Variants in MTMR8 observed in about 807,000 individuals in gnomAD.
MTMR8 encodes myotubularin related protein 8.
A neutral mutation model predicts 39.3 loss-of-function variants in MTMR8; 65 were observed. The observed-to-expected ratio is 1.65, with a 90% CI of 1.35 to 2.03. MTMR8 has a LOEUF of 2.03. MTMR8 is among the 30% of genes most tolerant of loss of function. The probability of loss-of-function intolerance (pLI) is 0.00; values close to 1 mark genes in which losing one functional copy is unlikely to be tolerated. For synonymous variants in MTMR8, 245 were observed against 185.2 expected (o/e 1.32, Z -2.62); for missense variants, 777 against 538.9 (o/e 1.44, Z -4.37).
chrX:64,353,827 T>C (rs1923546892), intron 4 of MTMR8, among the ~76,000 whole-genome samples: 1 of 110,460 alleles, frequency 9.1e-6, no homozygotes, highest in African/African-American at 3.3e-5. Flanking sequence ...CATGGGAGGC[T>C]GAGATGGGAG....
chrX:64,331,524 C>A, intron 11 of MTMR8, 33 bp downstream of exon 11: 1 of 1,176,733 alleles, frequency 8.5e-7, no homozygotes, highest in Non-Finnish European at 1.2e-6. Flanking sequence ...CCACCTTCTC[C>A]CTGTTCAGTG....
At chrX:64,382,162 G>A (rs1166115930) in intron 1 of MTMR8, among the ~76,000 whole-genome samples, 2 of 111,371 alleles carry the variant, frequency 1.8e-5, no homozygotes, top group Admixed American at 9.5e-5. Context: ...AGATTGATGG[G>A]GATGGCATTG....
chrX:64,317,246 A>G (rs1412467461), intron 12 of MTMR8, among the ~76,000 whole-genome samples: 1 of 111,682 alleles, frequency 9.0e-6, no homozygotes, highest in Non-Finnish European at 1.9e-5. Context: ...GCCTTTTGCC[A>G]TACTGGAATA....
At chrX:64,288,533 A>G (rs1921282620) in intron 12 of MTMR8, among the ~76,000 whole-genome samples, 1 of 111,900 alleles carries the variant, frequency 8.9e-6, no homozygotes, top group Non-Finnish European at 1.9e-5. Flanking sequence ...TACCCAAAGG[A>G]ATATAAATCA....
rs764533042 is a variant in MTMR8, at chrX:64,343,722, T to C, written c.866-2A>G. ...TTGTTGGAGTTTTCAATTCACAAACTAAGGTAGAAAAGGAAGCAGAGATTG... is the reference window on the plus strand; with the variant it reads ...TTGTTGGAGTTTTCAATTCACAAACCAAGGTAGAAAAGGAAGCAGAGATTG... On this transcript the variant is annotated splice_acceptor_variant, in intron 7 of 13. Coordinates refer to ENST00000374852, the MANE Select transcript of MTMR8 (RefSeq NM_017677.4). LOFTEE classifies it high-confidence loss of function. 4 of 1,156,785 alleles carry C rather than the reference T, an allele frequency of 3.5e-6. No individual in the cohort carries two copies. In the South Asian group the frequency reaches 5.5e-5, roughly 16 times the overall value.
chrX:64,363,203 C>T (rs1923843513), intron 1 of MTMR8, among the ~76,000 whole-genome samples: 1 of 111,569 alleles, frequency 9.0e-6, no homozygotes, highest in Non-Finnish European at 1.9e-5. Context: ...TTTCCTATGA[C>T]TCAGCAAATG....
At chrX:64,301,178 A>T (rs1265052832) in intron 12 of MTMR8, among the ~76,000 whole-genome samples, 19 of 110,149 alleles carry the variant, frequency 1.7e-4, no homozygotes, top group African/African-American at 5.6e-4. Flanking sequence ...GTGTTTGCCA[A>T]CTTGGTTCCA....
intron 1 of MTMR8, among the ~76,000 whole-genome samples, chrX:64,382,826 C>A (rs1265520678): frequency 9.0e-6 from 1 of 111,427 alleles, no homozygotes; most frequent in Admixed American, 9.6e-5. Context: ...TCCCTCTTAG[C>A]TGAATATTGG....
At chrX:64,334,212 C>T (rs763470492) in intron 10 of MTMR8, among the ~76,000 whole-genome samples, 8 of 110,448 alleles carry the variant, frequency 7.2e-5, no homozygotes, top group Middle Eastern at 4.7e-3. Context: ...CCAAATAAGT[C>T]CCAAACTGAA....
intron 1 of MTMR8, among the ~76,000 whole-genome samples, chrX:64,394,241 C>T (rs1924765604): frequency 8.9e-6 from 1 of 111,760 alleles, no homozygotes; most frequent in Admixed American, 9.5e-5. Context: ...CGTCTCCCAC[C>T]GGGTCCCTCC....
rs146281487 is a variant in MTMR8 at position 64,293,428 on chromosome X, C to T, written c.1482-22355G>A. On this transcript the variant is annotated intron_variant, in intron 12 of 13. Transcript: ENST00000374852. ...AACCCTGAGTAAACAAAAGGGGTTA[C>T]ATTGGACCCTAAGGGACAAAGGGGC... Among the ~76,000 whole-genome samples, 961 of 111,496 alleles carry T rather than the reference C, an allele frequency of 8.6e-3. 5 individuals are homozygous for T. The highest frequency in any genetic ancestry group is 0.011 in the Non-Finnish European group (608 of 53,076).
At chrX:64,300,254 C>A (rs1921805152) in intron 12 of MTMR8, among the ~76,000 whole-genome samples, 1 of 110,867 alleles carries the variant, frequency 9.0e-6, no homozygotes, top group Non-Finnish European at 1.9e-5. Context: ...CTTCATGAAT[C>A]TTGGTGCTCC....
At chrX:64,323,007 C>T (rs750983047) in intron 12 of MTMR8, among the ~76,000 whole-genome samples, 11 of 112,826 alleles carry the variant, frequency 9.7e-5, no homozygotes, top group South Asian at 3.6e-4. Flanking sequence ...CAACCCTGTG[C>T]GCTCACTAGC....
At chrX:64,359,361 C>T in intron 2 of MTMR8, 44 bp downstream of exon 2, 1 of 1,162,554 alleles carries the variant, frequency 8.6e-7, no homozygotes, top group Non-Finnish European at 1.2e-6. Flanking sequence ...AGCATGTATG[C>T]ACAACTCTTT....
chrX:64,303,504 A>G (rs1923892667), intron 12 of MTMR8, among the ~76,000 whole-genome samples: 1 of 112,194 alleles, frequency 8.9e-6, no homozygotes, highest in Admixed American at 9.5e-5. Flanking sequence ...TATAGAGGCT[A>G]TTGGTGGTTA....
At chrX:64,308,836 T>C (rs1299229357) in intron 12 of MTMR8, among the ~76,000 whole-genome samples, 1 of 111,734 alleles carries the variant, frequency 8.9e-6, no homozygotes, top group Non-Finnish European at 1.9e-5. Flanking sequence ...TGAGTTGTTC[T>C]GGCACCATTG....
chrX:64,272,556 T>C (rs1231208317), intron 12 of MTMR8, among the ~76,000 whole-genome samples: 1 of 111,271 alleles, frequency 9.0e-6, no homozygotes, highest in Non-Finnish European at 1.9e-5. Context: ...AGCAGACCAA[T>C]ATATGCATTA....
chrX:64,394,372 A>G (rs2147251978), intron 1 of MTMR8, among the ~76,000 whole-genome samples: 1 of 111,937 alleles, frequency 8.9e-6, no homozygotes, highest in Non-Finnish European at 1.9e-5. Context: ...GTCCAAAGTC[A>G]TTAGCTAAGT....
intron 12 of MTMR8, among the ~76,000 whole-genome samples, chrX:64,291,407 C>T (rs1004175215): frequency 1.8e-5 from 2 of 110,765 alleles, no homozygotes; most frequent in South Asian, 7.8e-4. Flanking sequence ...CATCTAAACA[C>T]GTAAGCCCCT....
Sources: allele counts gnomAD v4.1 joint callset (sites outside exome capture counted in the v4.1 genomes callset), GRCh38; gene constraint gnomAD v4.1.1; transcripts MANE v1.5; gene names NCBI Gene and HGNC (gene_info 2026-07-23, HGNC 2026-07-21).